The following DLK2 variants were observed in gnomAD, a reference collection of about 807,000 sequenced individuals.
DLK2 encodes delta like non-canonical Notch ligand 2.
A neutral mutation model predicts 31.3 loss-of-function variants in DLK2; 9 were observed. The ratio of observed to expected loss-of-function variants is 0.29; its 90% CI spans 0.17 to 0.50. DLK2 has a LOEUF of 0.50. Ranked by LOEUF, DLK2 falls within the 20% of genes least tolerant of loss-of-function variation. The pLI is 0.98. For missense variants in DLK2, 387 were observed against 526.1 expected, an observed-to-expected ratio of 0.74 and a Z score of 2.59; for synonymous variants, 169 against 201.2, an observed-to-expected ratio of 0.84 and a Z score of 1.35.
In DLK2 at chr6:43,451,256, G is replaced by T. The variant is rs150986737; in HGVS notation, c.435C>A (p.Gly145=). Reference sequence around the variant, plus strand: ...AGCCCTGGTCGTCCTGGCACTGCCCGCCATTGCGGCATGGGGAGCTGTGGT... The same window carrying T: ...AGCCCTGGTCGTCCTGGCACTGCCCTCCATTGCGGCATGGGGAGCTGTGGT... ...CEQAGSPCRN[G]GQCQDDQGFA... The change falls in exon 6 of 6, where the codon GGC becomes GGA. Residue 145 remains glycine, a synonymous_variant. Coordinates refer to ENST00000372488, the MANE Select transcript of DLK2 (RefSeq NM_023932.4). This position sits in a 1 kb window ranked among gnomAD's most constrained non-coding sequence, Gnocchi z 4.4. The T allele has an allele frequency of 5.0e-6, 8 of 1,613,810 alleles. No individual in the cohort carries two copies. The African/African-American group carries it at 1.1e-4, about 22-fold the overall frequency.
rs1304374994 is a variant in DLK2, at chr6:43,450,469, G to A, written c.*70C>T. The A allele has an allele frequency of 1.3e-6, 2 of 1,491,838 alleles. No individual in the cohort carries two copies. The highest frequency in any genetic ancestry group is 1.8e-6 in the Non-Finnish European group (2 of 1,117,602). The allele number at this position is 1,491,838 out of a possible 1,614,324, so 92.4% of individuals were successfully genotyped here. A position where few individuals can be genotyped will look rare whatever the true frequency, so the allele number is the denominator to read the frequency against. The stretch of plus-strand genomic sequence containing the variant: ...GTGTGTGTACCCAAGCTGAAGGGTG[G>A]TGAGAACGGACCACTCCAGTCTGAG... On this transcript the variant is annotated 3_prime_UTR_variant, in exon 6 of 6. Transcript: ENST00000372488. This position sits in a 1 kb window ranked among gnomAD's most constrained non-coding sequence, Gnocchi z 4.5.
upstream of DLK2, chr6:43,455,901 T>TATAG (rs1460009310): frequency 1.3e-5 from 2 of 152,806 alleles, no homozygotes; most frequent in Non-Finnish European, 2.9e-5. Flanking sequence ...ACGCTTCTCA[T>TATAG]ATAGATCTAT....
upstream of DLK2, chr6:43,456,042 C>T (rs1391112078): frequency 6.5e-6 from 1 of 152,942 alleles, no homozygotes; most frequent in East Asian, 1.9e-4. Flanking sequence ...TTCCTGTCCA[C>T]GTTGCCGTCT....
chr6:43,454,960 C>T (rs72857275), intron 1 of DLK2, 80 bp from the exon 2 acceptor site: 197,691 of 1,349,930 alleles, frequency 0.15, 14,343 homozygotes, highest in Middle Eastern at 0.17. Flanking sequence ...CAGGAGCCGA[C>T]GAGGGAGAGG....
Position 43,450,973 on chromosome 6 carries a change from T to C in DLK2, c.718A>G (p.Ser240Gly). Residue 240 changes from serine to glycine, a missense_variant, in exon 6 of 6, where the codon AGT (serine) becomes GGT (glycine). Coordinates refer to ENST00000372488, the MANE Select transcript of DLK2 (RefSeq NM_023932.4). The surrounding 1 kb of genome is among the most constrained non-coding windows in gnomAD (Gnocchi z 4.5). ...TCACAGGTCTTGCCACCATAGCCAC[T>C]GGGGCAGAGGCAGTCGAAGTCGTGG... ...RVHDFDCLCP[S>G]GYGGKTCELV... The C allele has an allele frequency of 1.2e-6, 2 of 1,614,178 alleles. No homozygotes were observed. Among genetic ancestry groups the C allele is most frequent in the Admixed American group, 1.7e-5 (1 of 60,022 alleles).
rs1410629211 is a variant in DLK2 at position 43,451,618 on chromosome 6, G to A, written c.416+322C>T. On this transcript the variant is annotated intron_variant, in intron 5 of 5. Transcript: ENST00000372488. The surrounding 1 kb of genome is among the most constrained non-coding windows in gnomAD (Gnocchi z 4.4). ...CTCATCCCTACTGTGACACAGAAGG[G>A]TGCAAGCCAGCGTTCAGGAGAGGAT... Among the ~76,000 whole-genome samples, 2 of 152,116 alleles carry A rather than the reference G, an allele frequency of 1.3e-5. No individual in the cohort carries two copies. The highest frequency in any genetic ancestry group is 3.9e-4 in the East Asian group (2 of 5,170).
At position 43,450,765 on chromosome 6, in the gene DLK2, G is replaced by A. The variant is rs753444303; in HGVS notation, c.926C>T (p.Ala309Val). The change falls in exon 6 of 6, where the codon GCC becomes GTC. Residue 309 changes from alanine (A) to valine (V), a missense_variant. By Grantham distance (64) the Ala-to-Val change is moderately conservative (BLOSUM62 0). Coordinates refer to ENST00000372488, the MANE Select transcript of DLK2 (RefSeq NM_023932.4). This position sits in a 1 kb window ranked among gnomAD's most constrained non-coding sequence, Gnocchi z 4.5. ...AGTGAGGGCCCCAAACACCACCAGG[G>A]CCACCAAGCTAGGCTCACCTAGCCC... ...EAGLGEPSLVALVVFGALTAA... is the reference protein window; with the variant it reads ...EAGLGEPSLVVLVVFGALTAA... 2 of 1,614,202 alleles carry A rather than the reference G, an allele frequency of 1.2e-6. No individual in the cohort carries two copies. Among genetic ancestry groups the A allele is most frequent in the Non-Finnish European group, 1.7e-6 (2 of 1,180,022 alleles).
chr6:43,452,092 G>A lies in DLK2; in HGVS notation c.272-8C>T, dbSNP rs763878348. The A allele has an allele frequency of 2.5e-6, 4 of 1,614,186 alleles. No homozygotes were observed. The highest frequency in any genetic ancestry group is 3.4e-6 in the Non-Finnish European group (4 of 1,180,014). ...TGGTACAGATATGTTCATCTGGAGA[G>A]GGGACAGGAAAGGCTCTGGGATAAC... On this transcript the variant is annotated splice_region_variant and splice_polypyrimidine_tract_variant and intron_variant, in intron 4 of 5. Coordinates refer to ENST00000372488, the MANE Select transcript of DLK2 (RefSeq NM_023932.4).
chr6:43,452,059 G>A lies in DLK2; in HGVS notation c.297C>T (p.Ser99=), dbSNP rs770952333. ...TGCACTGGCCTCCATTCTGGCAGGG[G>A]GACTGCGTGGTACAGATATGTTCAT... ...DKDEHICTTQ[S]PCQNGGQCMY... Residue 99 remains serine, a synonymous_variant, in exon 5 of 6, where the codon TCC becomes TCT. Coordinates refer to ENST00000372488, the MANE Select transcript of DLK2 (RefSeq NM_023932.4). 7.4e-6 allele frequency: 12 copies of A among 1,614,084 alleles called. No individual in the cohort carries two copies. The South Asian group carries it at 9.9e-5, about 13-fold the overall frequency.
At chr6:43,454,072 A>G (rs1352370326) in intron 3 of DLK2, among the ~76,000 whole-genome samples, 2 of 152,166 alleles carry the variant, frequency 1.3e-5, no homozygotes, top group East Asian at 3.9e-4. Context: ...TCCCTGCAGC[A>G]TTTCTTTTCC....
At chr6:43,452,160 A>G in intron 4 of DLK2, 76 bp from the exon 5 acceptor site, 1 of 1,588,118 alleles carries the variant, frequency 6.3e-7, no homozygotes, top group South Asian at 1.1e-5. Flanking sequence ...CACGCCTTCC[A>G]GGCCCCAGGT....
Position 43,450,588 on chromosome 6 carries a change from G to C in DLK2, c.1103C>G (p.Pro368Arg). Residue 368 changes from proline (P) to arginine (R), a missense_variant, in exon 6 of 6, where the codon CCC becomes CGC. Coordinates refer to ENST00000372488, the MANE Select transcript of DLK2 (RefSeq NM_023932.4). The surrounding 1 kb of genome is among the most constrained non-coding windows in gnomAD (Gnocchi z 4.5). Reference sequence around the variant, plus strand: ...CTCAGGGGGCAAGTCACGTGGCAGGGGGAGCCCTGCTGGCAGCATGCTAAC... The same window carrying C: ...CTCAGGGGGCAAGTCACGTGGCAGGCGGAGCCCTGCTGGCAGCATGCTAAC... ...CQVSMLPAGL[P>R]LPRDLPPEPG... 1.3e-6 allele frequency: 2 copies of C among 1,589,018 alleles called. No homozygotes were observed. Among genetic ancestry groups the C allele is most frequent in the East Asian group, 4.5e-5 (2 of 44,602 alleles).
intron 4 of DLK2, among the ~76,000 whole-genome samples, chr6:43,452,710 T>C (rs1783819509): frequency 7.8e-6 from 1 of 128,412 alleles, no homozygotes; most frequent in East Asian, 2.1e-4. Context: ...AGACTCCATC[T>C]CAAAACAAAA....
rs757553066 is a variant in DLK2 at position 43,453,038 on chromosome 6, G to A, written c.238C>T (p.His80Tyr). The A allele has an allele frequency of 1.2e-6, 2 of 1,614,138 alleles. No homozygotes were observed. Among genetic ancestry groups the A allele is most frequent in the Admixed American group, 1.7e-5 (1 of 60,012 alleles). Residue 80 changes from histidine to tyrosine, a missense_variant, in exon 4 of 6, where the codon CAC (histidine) becomes TAC (tyrosine). Transcript: ENST00000372488. The surrounding 1 kb of genome is among the most constrained non-coding windows in gnomAD (Gnocchi z 4.1). ...CAGAACTTGCCTGCCCAGCCACTGT[G>A]GCAGATGCACTGCCATGGCTGGTGG... ...TCHQPWQCIC[H>Y]SGWAGKFCDK...
rs916438145 is a variant in DLK2, at chr6:43,451,122, A to C, written c.569T>G (p.Leu190Arg). Reference sequence around the variant, plus strand: ...GCAGGAGAAGCGGTTTATGCCGTCAAGGCAGGTGGCACCGTTAGCACAAGG... The same window carrying C: ...GCAGGAGAAGCGGTTTATGCCGTCACGGCAGGTGGCACCGTTAGCACAAGG... ...MRPCANGATC[L>R]DGINRFSCLC... Residue 190 changes from leucine (L) to arginine (R), a missense_variant, in exon 6 of 6, where the codon CTT (leucine) becomes CGT (arginine). Coordinates refer to ENST00000372488, the MANE Select transcript of DLK2 (RefSeq NM_023932.4). The surrounding 1 kb of genome is among the most constrained non-coding windows in gnomAD (Gnocchi z 4.4). 9.9e-6 allele frequency: 16 copies of C among 1,614,126 alleles called. No homozygotes were observed. The African/African-American group carries it at 2.0e-4, about 20-fold the overall frequency.
At position 43,451,990 on chromosome 6, in the gene DLK2, G is replaced by A. The variant is rs1399920863; in HGVS notation, c.366C>T (p.Gly122=). The change falls in exon 5 of 6, where the codon GGC becomes GGT. Residue 122 remains glycine (G), a synonymous_variant. Coordinates refer to ENST00000372488, the MANE Select transcript of DLK2 (RefSeq NM_023932.4). The surrounding 1 kb of genome is among the most constrained non-coding windows in gnomAD (Gnocchi z 4.4). ...GGEYHCVCLP[G]FHGRDCERKA... is the part of the protein sequence containing the mutation. Reference sequence around the variant, plus strand: ...TGCGCTCGCAGTCACGCCCATGGAAGCCTGGTAAGCACACACAATGGTACT... The same window carrying A: ...TGCGCTCGCAGTCACGCCCATGGAAACCTGGTAAGCACACACAATGGTACT... 1 of 1,614,078 alleles carries A rather than the reference G, an allele frequency of 6.2e-7. No individual in the cohort carries two copies. The highest frequency in any genetic ancestry group is 1.3e-5 in the African/African-American group (1 of 74,922).
chr6:43,451,793 C>G lies in DLK2; in HGVS notation c.416+147G>C. 2 of 1,404,106 alleles carry G rather than the reference C, an allele frequency of 1.4e-6. No homozygotes were observed. Among genetic ancestry groups the G allele is most frequent in the South Asian group, 3.2e-5 (2 of 62,430 alleles). 87.0% of individuals were successfully genotyped at this position (1,404,106 alleles called of 1,614,324 possible). Reference sequence around the variant, plus strand: ...AAGTTGAGAAACCCTGAACTAGGAACACTTTGGCATGCAGGGGTTTTATCT... The same window carrying G: ...AAGTTGAGAAACCCTGAACTAGGAAGACTTTGGCATGCAGGGGTTTTATCT... On this transcript the variant is annotated intron_variant, in intron 5 of 5. Transcript: ENST00000372488. This position sits in a 1 kb window ranked among gnomAD's most constrained non-coding sequence, Gnocchi z 4.4.
At chr6:43,455,196 C>T in intron 1 of DLK2, 199 bp downstream of exon 1, 5 of 665,616 alleles carry the variant, frequency 7.5e-6, no homozygotes, top group Non-Finnish European at 9.3e-6. Flanking sequence ...CGAGAGGCGG[C>T]CTCGAGCACG....
Position 43,452,098 on chromosome 6 carries a change from A to G in DLK2, c.272-14T>C. 6.2e-7 allele frequency: 1 copy of G among 1,614,150 alleles called. No homozygotes were observed. The stretch of plus-strand genomic sequence containing the variant: ...AGATATGTTCATCTGGAGAGGGGAC[A>G]GGAAAGGCTCTGGGATAACCCCTCC... On this transcript the variant is annotated splice_polypyrimidine_tract_variant and intron_variant, in intron 4 of 5. Coordinates refer to ENST00000372488, the MANE Select transcript of DLK2 (RefSeq NM_023932.4).
Sources: allele counts gnomAD v4.1 joint callset (sites outside exome capture counted in the v4.1 genomes callset), GRCh38; gene constraint gnomAD v4.1.1; non-coding constraint Gnocchi (gnomAD v3.1); transcripts MANE v1.5; gene names NCBI Gene and HGNC (gene_info 2026-07-23, HGNC 2026-07-21).